Variants in BUB1B observed in about 807,000 individuals in gnomAD.
BUB1B encodes the protein mitotic checkpoint serine/threonine-protein kinase BUB1 beta.
In BUB1B, 86 loss-of-function variants were observed where a neutral mutation model predicts 137.7. The observed-to-expected ratio is 0.62, with a 90% CI of 0.52 to 0.75. BUB1B has a LOEUF of 0.75. BUB1B is among the 30% of genes least tolerant of loss of function. BUB1B has a pLI of 0.00. For synonymous variants in BUB1B, 420 were observed against 417.9 expected (o/e 1.00, Z -0.06); for missense variants, 1,130 against 1,236.9 (o/e 0.91, Z 1.30).
chr15:40,202,051 A>T (rs2037577971), intron 12 of BUB1B, among the ~76,000 whole-genome samples: 1 of 152,150 alleles, frequency 6.6e-6, no homozygotes, highest in South Asian at 2.1e-4. Context: ...TGTTCATTTT[A>T]TAGGTAGGTA....
At chr15:40,215,049 C>T (rs756050195) in intron 20 of BUB1B, among the ~76,000 whole-genome samples, 4 of 152,084 alleles carry the variant, frequency 2.6e-5, no homozygotes, top group African/African-American at 7.3e-5. Flanking sequence ...TAATGAAGTA[C>T]GATAACCCTT....
At chr15:40,166,346 T>A (rs1485298710) in intron 2 of BUB1B, 2 of 442,142 alleles carry the variant, frequency 4.5e-6, no homozygotes, top group South Asian at 3.2e-5. Context: ...TCTCTTTTTT[T>A]TTTTTCTTTT....
At chr15:40,201,107 G>A (rs1431183862) in intron 12 of BUB1B, 127 bp downstream of exon 12, 2 of 838,926 alleles carry the variant, frequency 2.4e-6, no homozygotes, top group African/African-American at 1.7e-5. Context: ...TAGGAATTTA[G>A]TATAAGCATA....
chr15:40,182,534 T>C lies in BUB1B; in HGVS notation c.582-1180T>C, dbSNP rs369030748. Among the ~76,000 whole-genome samples, 15 of 152,342 alleles carry C rather than the reference T, an allele frequency of 9.8e-5. No homozygotes were observed. The East Asian group carries it at 2.3e-3, about 23-fold the overall frequency. On this transcript the variant is annotated intron_variant, in intron 5 of 22. Transcript: ENST00000287598. ...GCTGTGTTGCTTTGGGTCTGTCCCA[T>C]GCATGTCCTGCTTAAGGGTTAATCT...
Position 40,210,140 on chromosome 15 carries a change from A to C in BUB1B, c.2315A>C (p.Tyr772Ser), listed in dbSNP as rs2037692692. 1 of 1,612,244 alleles carries C rather than the reference A, an allele frequency of 6.2e-7. No homozygotes were observed. Among genetic ancestry groups the C allele is most frequent in the African/African-American group, 1.3e-5 (1 of 74,828 alleles). The change falls in exon 18 of 23, where the codon TAC (tyrosine) becomes TCC (serine). Residue 772 changes from tyrosine to serine, a missense_variant. Coordinates refer to ENST00000287598, the MANE Select transcript of BUB1B (RefSeq NM_001211.6). ...GAGGATTACTGCATTAAACGAGAAT[A>C]CCTAATATGTGAAGATTACAAGTTA... ...GNEDYCIKRE[Y>S]LICEDYKLFW...
intron 18 of BUB1B, among the ~76,000 whole-genome samples, chr15:40,210,578 C>T (rs749022419): frequency 2.2e-4 from 34 of 152,134 alleles, no homozygotes; most frequent in Non-Finnish European, 4.0e-4. Flanking sequence ...AGCATGATCA[C>T]GGCTCACTGC....
chr15:40,185,892 A>C (rs1447797476), intron 8 of BUB1B, among the ~76,000 whole-genome samples: 1 of 152,070 alleles, frequency 6.6e-6, no homozygotes, highest in East Asian at 1.9e-4. Flanking sequence ...ACCAGACAAA[A>C]TTTTGTATAT....
At position 40,196,590 on chromosome 15, in the gene BUB1B, C is replaced by T. The variant is rs2037500402; in HGVS notation, c.1104C>T (p.Thr368=). ...IEPSINHILS[T]RKPGKEEGDP... ...CTAGTATAAACCACATCCTAAGCAC[C>T]AGAAAGCCTGGAAAGGAAGAAGGAG... Residue 368 remains threonine (T), a synonymous_variant, in exon 9 of 23, where the codon ACC becomes ACT. Coordinates refer to ENST00000287598, the MANE Select transcript of BUB1B (RefSeq NM_001211.6). The T allele has an allele frequency of 6.2e-7, 1 of 1,613,726 alleles. No homozygotes were observed. Among genetic ancestry groups the T allele is most frequent in the African/African-American group, 1.3e-5 (1 of 74,844 alleles).
intron 22 of BUB1B, among the ~76,000 whole-genome samples, chr15:40,219,500 C>T (rs965463658): frequency 4.6e-5 from 7 of 151,938 alleles, no homozygotes; most frequent in African/African-American, 1.7e-4. Flanking sequence ...GGCAGATTAC[C>T]TGAGGTCAGG....
chr15:40,210,045 G>A, intron 17 of BUB1B, 65 bp from the exon 18 acceptor site: 1 of 1,326,928 alleles, frequency 7.5e-7, no homozygotes. Context: ...TAAACCAGGA[G>A]GTAAAAGCTA....
At chr15:40,209,486 A>G (rs2037681897) in intron 16 of BUB1B, 149 bp from the exon 17 acceptor site, 2 of 925,208 alleles carry the variant, frequency 2.2e-6, no homozygotes, top group East Asian at 2.4e-5. Flanking sequence ...ACACAGTTTC[A>G]TAAACACCTG....
intron 5 of BUB1B, 38 bp from the exon 6 acceptor site, chr15:40,183,676 G>A: frequency 6.2e-7 from 1 of 1,603,598 alleles, no homozygotes; most frequent in Non-Finnish European, 8.5e-7. Flanking sequence ...GTAAAATAGT[G>A]GTCACCTCAC....
intron 5 of BUB1B, among the ~76,000 whole-genome samples, chr15:40,178,642 A>G (rs1277108734): frequency 6.6e-6 from 1 of 152,076 alleles, no homozygotes; most frequent in African/African-American, 2.4e-5. Context: ...TGTTATATCA[A>G]TTACTAAGAA....
chr15:40,171,842 T>C (rs756579745), intron 4 of BUB1B, among the ~76,000 whole-genome samples: 48 of 152,138 alleles, frequency 3.2e-4, no homozygotes, highest in Non-Finnish European at 6.3e-4. Context: ...ACTGTCTTAC[T>C]TGACATGTAG....
intron 20 of BUB1B, among the ~76,000 whole-genome samples, chr15:40,215,160 A>AT (rs143156801): frequency 0.08 from 12,218 of 152,186 alleles, 1,599 homozygotes; most frequent in African/African-American, 0.28. Context: ...TTTCACATAG[A>AT]TTCATAAGGA....
At chr15:40,164,059 G>A (rs958152533) in intron 1 of BUB1B, among the ~76,000 whole-genome samples, 6 of 152,166 alleles carry the variant, frequency 3.9e-5, no homozygotes, top group Non-Finnish European at 7.4e-5. Context: ...CCTCCAAAAC[G>A]TTTCGGGGGT....
Position 40,183,746 on chromosome 15 carries a change from T to TGTTG in BUB1B, c.616_619dup (p.Ala207ValfsTer4). Reference sequence around the variant, plus strand: ...CAAGCTCGAGTGTCTCGGCAAACTCTGTTGGCACTTGAGAAAGAAGAAGAG... The same window carrying TGTTG: ...CAAGCTCGAGTGTCTCGGCAAACTCTGTTGGTTGGCACTTGAGAAAGAAGAAGAG... On this transcript the variant is annotated frameshift_variant, in exon 6 of 23. Coordinates refer to ENST00000287598, the MANE Select transcript of BUB1B (RefSeq NM_001211.6). LOFTEE classifies it high-confidence loss of function. 1 of 1,614,148 alleles carries TGTTG rather than the reference T, an allele frequency of 6.2e-7. No individual in the cohort carries two copies. Among genetic ancestry groups the TGTTG allele is most frequent in the Non-Finnish European group, 8.5e-7 (1 of 1,179,990 alleles).
chr15:40,186,903 C>CG (rs2037372185), intron 8 of BUB1B: 1 of 143,902 alleles, frequency 6.9e-6, no homozygotes, highest in African/African-American at 2.5e-5. Flanking sequence ...TATTTTTTTT[C>CG]TTTTTTTTTT....
chr15:40,183,717 A>G lies in BUB1B; in HGVS notation c.585A>G (p.Gln195=), dbSNP rs1595518738. The G allele has an allele frequency of 1.9e-6, 3 of 1,613,930 alleles. No individual in the cohort carries two copies. Among genetic ancestry groups the G allele is most frequent in the African/African-American group, 1.3e-5 (1 of 74,916 alleles). The part of the protein sequence containing the change: ...PLERLQSQHR[Q]FQARVSRQTL... Reference sequence around the variant, plus strand: ...GTTGTGCATTCTGCTACTTTAGACAATTCCAAGCTCGAGTGTCTCGGCAAA... The same window carrying G: ...GTTGTGCATTCTGCTACTTTAGACAGTTCCAAGCTCGAGTGTCTCGGCAAA... The change falls in exon 6 of 23, where the codon CAA becomes CAG. Residue 195 remains glutamine (Q), a synonymous_variant. Transcript: ENST00000287598.
Sources: gnomAD v4.1 joint callset for allele counts (sites outside exome capture counted in the v4.1 genomes callset) on GRCh38, gnomAD v4.1.1 for gene constraint, MANE v1.5 for transcripts, NCBI Gene and HGNC (gene_info 2026-07-23, HGNC 2026-07-21) for gene names.